Variants in SLC22A23 observed in about 807,000 individuals in gnomAD.
SLC22A23 encodes ion transporter protein.
A neutral mutation model predicts 61.0 loss-of-function variants in SLC22A23; 26 were observed. The ratio of observed to expected loss-of-function variants is 0.43; its 90% confidence interval spans 0.31 to 0.59. SLC22A23 has a LOEUF of 0.59. Among genes scored for constraint, SLC22A23 ranks in the 20% least tolerant of loss-of-function variants. SLC22A23 has a pLI of 0.11. For synonymous variants in SLC22A23, 430 were observed against 413.9 expected (o/e 1.04, Z -0.47); for missense variants, 796 against 934.7 (o/e 0.85, Z 1.94).
rs1282097900 is a variant in SLC22A23 at position 3,390,978 on chromosome 6, CCT to C, written c.913+19208_913+19209del. On this transcript the variant is annotated intron_variant, in intron 3 of 9. Coordinates refer to ENST00000406686, the MANE Select transcript of SLC22A23 (RefSeq NM_015482.2). The surrounding 1 kb of genome is among the most constrained non-coding windows in gnomAD (Gnocchi z 4.0). ...CTGAATGGAATGAAGAGAATCATAC[CCT>C]GACTCATTAGAGTGATGAAAAATTT... is the stretch of plus-strand genomic sequence containing the variant. Among the ~76,000 whole-genome samples the C allele has an allele frequency of 1.3e-5, 2 of 152,094 alleles. No individual in the cohort carries two copies. Among genetic ancestry groups the C allele is most frequent in the Non-Finnish European group, 2.9e-5 (2 of 68,012 alleles).
intron 1 of SLC22A23, among the ~76,000 whole-genome samples, chr6:3,424,609 T>C (rs1019289384): frequency 2.0e-5 from 3 of 152,242 alleles, no homozygotes; most frequent in Non-Finnish European, 4.4e-5. Flanking sequence ...ATAAAACACG[T>C]AGACTGTTCT....
intron 1 of SLC22A23, among the ~76,000 whole-genome samples, chr6:3,421,998 G>A (rs1581862527): frequency 6.6e-6 from 1 of 152,254 alleles, no homozygotes; most frequent in East Asian, 1.9e-4. Context: ...CTTTTGTAGT[G>A]GAGATCCCCA....
At chr6:3,362,480 A>C (rs989206946) in intron 3 of SLC22A23, among the ~76,000 whole-genome samples, 14 of 151,558 alleles carry the variant, frequency 9.2e-5, no homozygotes, top group Non-Finnish European at 1.8e-4. Context: ...ACACCCACCA[A>C]GGATACTGTT....
At chr6:3,369,251 G>A (rs1275849482) in intron 3 of SLC22A23, among the ~76,000 whole-genome samples, 2 of 152,070 alleles carry the variant, frequency 1.3e-5, no homozygotes, top group African/African-American at 4.8e-5. Flanking sequence ...AAAAAAAATG[G>A]TGGCACAAAA....
chr6:3,367,289 T>A (rs892998577), intron 3 of SLC22A23, among the ~76,000 whole-genome samples: 28 of 152,308 alleles, frequency 1.8e-4, no homozygotes, highest in African/African-American at 6.7e-4. Context: ...AAAGGGTCAG[T>A]CTGGTTCAGT....
In SLC22A23 at chr6:3,330,782, G is replaced by A. The variant is rs953679605; in HGVS notation, c.914-6780C>T. ...TTAACTTAGGATCTGCCAACCCAAA[G>A]TAATGGTCAGAAGAATCTGAAAGAG... is the stretch of plus-strand genomic sequence containing the variant. On this transcript the variant is annotated intron_variant, in intron 3 of 9. Transcript: ENST00000406686. The surrounding 1 kb of genome is among the most constrained non-coding windows in gnomAD (Gnocchi z 4.7). Among the ~76,000 whole-genome samples, 1 of 152,196 alleles carries A rather than the reference G, an allele frequency of 6.6e-6. No homozygotes were observed.
At chr6:3,401,337 C>CAAAACA (rs1223637632) in intron 3 of SLC22A23, among the ~76,000 whole-genome samples, 7 of 151,084 alleles carry the variant, frequency 4.6e-5, no homozygotes, top group Non-Finnish European at 8.8e-5. Flanking sequence ...GATTCCATCT[C>CAAAACA]AAAACAAAAA....
At chr6:3,310,476 G>A (rs1762313728) in intron 4 of SLC22A23, among the ~76,000 whole-genome samples, 1 of 151,356 alleles carries the variant, frequency 6.6e-6, no homozygotes, top group Non-Finnish European at 1.5e-5. Context: ...CAGGGTAACT[G>A]ATGATTTAAC....
chr6:3,415,602 G>A lies in SLC22A23; in HGVS notation c.758+150C>T. ...CTACATGCATGGGCCATTTCTCCGA[G>A]CTCTGCATTCTCCACGTGGCAGCTT... On this transcript the variant is annotated intron_variant, in intron 2 of 9. Coordinates refer to ENST00000406686, the MANE Select transcript of SLC22A23 (RefSeq NM_015482.2). The A allele has an allele frequency of 3.2e-5, 19 of 599,492 alleles. 1 individual carries two copies. In the South Asian group the frequency reaches 4.1e-4, roughly 13 times the overall value. The allele number at this position is 599,492 out of a possible 1,614,324, so 37.1% of individuals were successfully genotyped here. A position where few individuals can be genotyped will look rare whatever the true frequency, so the allele number is the denominator to read the frequency against.
intron 9 of SLC22A23, among the ~76,000 whole-genome samples, chr6:3,279,145 CAT>C (rs1266072386): frequency 6.6e-6 from 1 of 152,110 alleles, no homozygotes; most frequent in Non-Finnish European, 1.5e-5. Context: ...CAAATGTACA[CAT>C]GCATATATAA....
chr6:3,368,936 C>A (rs1017667553), intron 3 of SLC22A23, among the ~76,000 whole-genome samples: 1 of 152,118 alleles, frequency 6.6e-6, no homozygotes, highest in Non-Finnish European at 1.5e-5. Context: ...AAGGAAGAAC[C>A]CGCTGACACA....
chr6:3,273,177 C>A lies in SLC22A23; in HGVS notation c.1939G>T (p.Gly647Trp), dbSNP rs371128949. 6.2e-7 allele frequency: 1 copy of A among 1,612,916 alleles called. No individual in the cohort carries two copies. Among genetic ancestry groups the A allele is most frequent in the Non-Finnish European group, 8.5e-7 (1 of 1,179,844 alleles). ...TRQPLLPHKK[G>W]EQPLLLTNAE... ...TTGGTGAGCAGCAGTGGCTGCTCCC[C>A]CTTCTTGTGCGGCAGCAGCGGCTGG... Residue 647 changes from glycine (G) to tryptophan (W), a missense_variant, in exon 10 of 10, where the codon GGG becomes TGG. By Grantham distance (184) the Gly-to-Trp change is radical. Transcript: ENST00000406686.
intron 1 of SLC22A23, among the ~76,000 whole-genome samples, chr6:3,429,652 C>G (rs1770730422): frequency 6.6e-6 from 1 of 152,202 alleles, no homozygotes; most frequent in African/African-American, 2.4e-5. Flanking sequence ...GAGAGAAACT[C>G]AAGTGTTCAC....
chr6:3,276,109 T>TTGTGTG (rs112452724), intron 9 of SLC22A23, among the ~76,000 whole-genome samples: 4 of 150,708 alleles, frequency 2.7e-5, no homozygotes, highest in Admixed American at 2.0e-4. Context: ...AGAATGGTGA[T>TTGTGTG]TGTGTGTGTG....
intron 1 of SLC22A23, among the ~76,000 whole-genome samples, chr6:3,440,805 A>G (rs545473316): frequency 3.3e-5 from 5 of 152,130 alleles, no homozygotes; most frequent in South Asian, 2.1e-4. Context: ...AGCCAAGGAG[A>G]GAGGCCTCAG....
intron 4 of SLC22A23, among the ~76,000 whole-genome samples, chr6:3,303,647 G>A (rs189785294): frequency 3.3e-5 from 5 of 152,296 alleles, no homozygotes; most frequent in Non-Finnish European, 7.4e-5. Flanking sequence ...CTCAAAAAAA[G>A]ATGATCTCAT....
intron 4 of SLC22A23, chr6:3,303,299 T>A (rs958298930): frequency 2.0e-5 from 3 of 152,174 alleles, no homozygotes; most frequent in African/African-American, 7.2e-5. Flanking sequence ...AGTACAGAGG[T>A]TCCTCAAAAA....
intron 3 of SLC22A23, among the ~76,000 whole-genome samples, chr6:3,348,582 G>A (rs9405193): frequency 0.78 from 118,893 of 152,136 alleles, 46,951 homozygotes; most frequent in African/African-American, 0.88. Flanking sequence ...GCACTTACTA[G>A]CCTGGCAATC....
intron 1 of SLC22A23, among the ~76,000 whole-genome samples, chr6:3,416,846 G>C (rs1448095306): frequency 6.6e-6 from 1 of 152,200 alleles, no homozygotes; most frequent in Non-Finnish European, 1.5e-5. Flanking sequence ...AGAAATTCAC[G>C]CCAATGCATT....
Sources: allele counts gnomAD v4.1 joint callset (sites outside exome capture counted in the v4.1 genomes callset), GRCh38; gene constraint gnomAD v4.1.1; non-coding constraint Gnocchi (gnomAD v3.1); transcripts MANE v1.5; gene names NCBI Gene and HGNC (gene_info 2026-07-23, HGNC 2026-07-21).